TJP2: variants seen among roughly 807,000 people sequenced by gnomAD.
TJP2 encodes tight junction protein 2.
TJP2 carries 91 observed loss-of-function variants against 133.1 expected under a neutral mutation model. The ratio of observed to expected loss-of-function variants is 0.68; its 90% CI spans 0.58 to 0.81. The LOEUF is 0.81. TJP2 is among the 40% of genes least tolerant of loss of function. TJP2 has a pLI of 0.00. For missense variants in TJP2, 1,541 were observed against 1,565.6 expected, an observed-to-expected ratio of 0.98 and a Z score of 0.26; for synonymous variants, 592 against 583.4, an observed-to-expected ratio of 1.01 and a Z score of -0.21.
chr9:69,148,237 A>AT (rs1160855127), intron 1 of TJP2, among the ~76,000 whole-genome samples: 2 of 96,106 alleles, frequency 2.1e-5, no homozygotes, highest in South Asian at 3.2e-4. Context: ...TCTTTTTTAT[A>AT]TTTTTTTTAA....
intron 1 of TJP2, chr9:69,205,328 C>T (rs1827317223): frequency 3.3e-6 from 5 of 1,524,080 alleles, no homozygotes; most frequent in Non-Finnish European, 3.5e-6. Context: ...AGTCCTTTAT[C>T]CTCAGATTGA....
chr9:69,229,357 C>T, intron 10 of TJP2, 107 bp downstream of exon 10: 1 of 1,071,542 alleles, frequency 9.3e-7, no homozygotes, highest in Non-Finnish European at 1.5e-6. Context: ...ATTTTGTACA[C>T]TGTCAGCCAC....
At chr9:69,163,993 A>G (rs1824222642) in intron 2 of TJP2, among the ~76,000 whole-genome samples, 1 of 152,096 alleles carries the variant, frequency 6.6e-6, no homozygotes, top group Admixed American at 6.6e-5. Flanking sequence ...GGGACCTAGG[A>G]CACTGGTTTT....
chr9:69,250,961 G>A, intron 20 of TJP2, 74 bp from the exon 21 acceptor site: 7 of 1,376,670 alleles, frequency 5.1e-6, no homozygotes, highest in South Asian at 1.2e-5. Context: ...GAAATGGAGT[G>A]TATTAAATCA....
At chr9:69,209,537 T>C (rs1404451543) in intron 1 of TJP2, among the ~76,000 whole-genome samples, 1 of 151,910 alleles carries the variant, frequency 6.6e-6, no homozygotes, top group Non-Finnish European at 1.5e-5. Flanking sequence ...GCGGATCATC[T>C]AAGGTTGGGA....
intron 1 of TJP2, among the ~76,000 whole-genome samples, chr9:69,182,453 G>A (rs1170968258): frequency 6.6e-6 from 1 of 152,170 alleles, no homozygotes; most frequent in Non-Finnish European, 1.5e-5. Flanking sequence ...CCCCAAGTTC[G>A]TTTTGAGCCT....
chr9:69,193,994 T>C (rs1265301907), intron 1 of TJP2, among the ~76,000 whole-genome samples: 3 of 152,222 alleles, frequency 2.0e-5, no homozygotes, highest in African/African-American at 4.8e-5. Context: ...AACATACTTA[T>C]GCAGTTGAAA....
chr9:69,136,534 T>G (rs1180548318), intron 1 of TJP2, among the ~76,000 whole-genome samples: 2 of 151,626 alleles, frequency 1.3e-5, no homozygotes, highest in Non-Finnish European at 1.5e-5. Flanking sequence ...TGTAAAAAAG[T>G]TTTTTTTTAG....
intron 5 of TJP2, 99 bp downstream of exon 5, chr9:69,221,595 C>A: frequency 6.8e-7 from 1 of 1,479,568 alleles, no homozygotes; most frequent in Non-Finnish European, 9.2e-7. Context: ...GCTCTGTCAT[C>A]CAGGCTGGAG....
At chr9:69,123,041 C>T (rs995972857) in intron 1 of TJP2, among the ~76,000 whole-genome samples, 4 of 152,184 alleles carry the variant, frequency 2.6e-5, no homozygotes, top group African/African-American at 9.7e-5. Flanking sequence ...TCTCAGGCCC[C>T]ACCCAGATCT....
At chr9:69,215,917 A>G (rs1828336815) in intron 2 of TJP2, among the ~76,000 whole-genome samples, 1 of 152,192 alleles carries the variant, frequency 6.6e-6, no homozygotes, top group African/African-American at 2.4e-5. Flanking sequence ...AAACAAATAC[A>G]ATAAGGAAAT....
Position 69,136,152 on chromosome 9 carries a change from A to G in TJP2, c.-131+14427A>G, listed in dbSNP as rs140613903. Reference sequence around the variant, plus strand: ...TCTTTGTCTTGTAACTGTGGTCCATAGAACCAATAGCAGAGGAAAGTGTTT... The same window carrying G: ...TCTTTGTCTTGTAACTGTGGTCCATGGAACCAATAGCAGAGGAAAGTGTTT... On this transcript the variant is annotated intron_variant, in intron 1 of 5. Coordinates refer to the TJP2 transcript ENST00000423935. 1.7e-3 allele frequency among the ~76,000 whole-genome samples: 264 copies of G among 152,282 alleles called. 2 individuals are homozygous for G. Among genetic ancestry groups the G allele is most frequent in the African/African-American group, 5.8e-3 (240 of 41,546 alleles).
At position 69,254,813 on chromosome 9, in the gene TJP2, T is replaced by C. The variant is rs1347966598; in HGVS notation, c.*439T>C. ...AAACTAAATTCAAAGAAGTACTTTA[T>C]TGCAACTCTTTTAAGTGCCTTGGAT... On this transcript the variant is annotated 3_prime_UTR_variant, in exon 23 of 23. Coordinates refer to ENST00000377245, the MANE Select transcript of TJP2 (RefSeq NM_004817.4). The C allele has an allele frequency of 4.2e-6, 2 of 471,520 alleles. No homozygotes were observed. The highest frequency in any genetic ancestry group is 1.9e-5 in the African/African-American group (1 of 51,336). 29.2% of individuals were successfully genotyped at this position (471,520 alleles called of 1,614,324 possible). A position where few individuals can be genotyped will look rare whatever the true frequency, so the allele number is the denominator to read the frequency against.
chr9:69,206,557 A>T (rs868014691), intron 1 of TJP2, among the ~76,000 whole-genome samples: 23 of 149,614 alleles, frequency 1.5e-4, no homozygotes, highest in Admixed American at 1.3e-3. Context: ...CCTATTTTTT[A>T]TTTATTTATT....
Position 69,145,691 on chromosome 9 carries a change from C to A in TJP2, c.-130-5960C>A, listed in dbSNP as rs990589803. 5 of 1,227,444 alleles carry A rather than the reference C, an allele frequency of 4.1e-6. No individual in the cohort carries two copies. In the Admixed American group the frequency reaches 1.3e-4, roughly 31 times the overall value. The allele number at this position is 1,227,444 out of a possible 1,614,324, so 76.0% of individuals were successfully genotyped here. On this transcript the variant is annotated intron_variant, in intron 1 of 5. Coordinates refer to the TJP2 transcript ENST00000423935. ...GACTGAAATTTACAGGACCTTGTAC[C>A]GAGAGAGACAAGATGAGGTACAAGA...
Position 69,221,460 on chromosome 9 carries a change from A to G in TJP2, c.916A>G (p.Ile306Val). The change falls in exon 5 of 23, where the codon ATC (isoleucine) becomes GTC (valine). Residue 306 changes from isoleucine (I) to valine (V), a missense_variant. Physicochemically the swap from Ile to Val is conservative, Grantham distance 29. Transcript: ENST00000377245. ...CGAGCCTAGGGGGCGGCCGGGGCCC[A>G]TCGGGGTCCTCCTGATGAAAAGCAG... ...SPEPRGRPGP[I>V]GVLLMKSRAN... 2 of 1,598,472 alleles carry G rather than the reference A, an allele frequency of 1.3e-6. No individual in the cohort carries two copies. Among genetic ancestry groups the G allele is most frequent in the Non-Finnish European group, 1.7e-6 (2 of 1,172,408 alleles).
chr9:69,252,187 G>A (rs1356243656), intron 21 of TJP2, among the ~76,000 whole-genome samples: 3 of 151,944 alleles, frequency 2.0e-5, no homozygotes, highest in South Asian at 4.2e-4. Context: ...GAAGAGACAA[G>A]GTTTTGTCAT....
At chr9:69,149,526 C>T (rs1206238975) in intron 1 of TJP2, among the ~76,000 whole-genome samples, 1 of 152,142 alleles carries the variant, frequency 6.6e-6, no homozygotes. Context: ...AAACTGACAC[C>T]ATCTTTTCTT....
chr9:69,163,461 C>G (rs1824192887), intron 2 of TJP2, among the ~76,000 whole-genome samples: 1 of 152,080 alleles, frequency 6.6e-6, no homozygotes. Context: ...CATGGCGAAA[C>G]CCCATCTCTA....
Sources: allele counts gnomAD v4.1 joint callset (sites outside exome capture counted in the v4.1 genomes callset), GRCh38; gene constraint gnomAD v4.1.1; transcripts MANE v1.5; gene names NCBI Gene and HGNC (gene_info 2026-07-23, HGNC 2026-07-21).